Variants in OLAH observed in about 807,000 individuals in gnomAD.
OLAH encodes oleoyl-ACP hydrolase, also known as S-acyl fatty acid synthase thioesterase, medium chain.
OLAH carries 33 observed loss-of-function variants against 27.8 expected under a neutral mutation model. That is an observed-to-expected ratio of 1.19 (90% CI 0.90 to 1.59). The LOEUF is 1.59. Ranked by LOEUF, OLAH falls within the 40% of genes most tolerant of loss-of-function variation. The probability of loss-of-function intolerance (pLI) is 0.00; values close to 1 mark genes in which losing one functional copy is unlikely to be tolerated. For missense variants in OLAH, 359 were observed against 310.8 expected, an observed-to-expected ratio of 1.16 and a Z score of -1.17; for synonymous variants, 120 against 102.9, an observed-to-expected ratio of 1.17 and a Z score of -1.01.
chr10:15,049,541 A>T, intron 2 of OLAH, 94 bp from the exon 3 acceptor site: 1 of 857,542 alleles, frequency 1.2e-6, no homozygotes, highest in Non-Finnish European at 1.7e-6. Flanking sequence ...TGTTTCTTAT[A>T]ATTAATAAAG....
upstream of OLAH, among the ~76,000 whole-genome samples, chr10:15,040,716 T>C (rs1380810303): frequency 6.6e-6 from 1 of 152,180 alleles, no homozygotes; most frequent in Non-Finnish European, 1.5e-5. Context: ...GAATTCCTTG[T>C]TCATTCTTGC....
At chr10:15,036,907 C>T (rs540942449) in intron 1 of OLAH, among the ~76,000 whole-genome samples, 16 of 152,100 alleles carry the variant, frequency 1.1e-4, no homozygotes, top group Admixed American at 4.6e-4. Flanking sequence ...GGTGAAACCT[C>T]GTCTCTACTA....
At chr10:15,036,823 G>A (rs1843847239) in intron 1 of OLAH, among the ~76,000 whole-genome samples, 1 of 152,196 alleles carries the variant, frequency 6.6e-6, no homozygotes, top group East Asian at 1.9e-4. Context: ...GCTCACACCT[G>A]TAATCACAAT....
chr10:15,038,424 G>A (rs1041605499), intron 1 of OLAH, among the ~76,000 whole-genome samples: 8 of 152,134 alleles, frequency 5.3e-5, no homozygotes, highest in Admixed American at 2.0e-4. Context: ...TATCCCCACC[G>A]AAATTTCATC....
At chr10:15,052,461 C>CA (rs1454946757) in intron 3 of OLAH, among the ~76,000 whole-genome samples, 1 of 152,106 alleles carries the variant, frequency 6.6e-6, no homozygotes, top group Non-Finnish European at 1.5e-5. Context: ...TTTGTAGAGA[C>CA]AGAGTCTTGC....
At position 15,047,115 on chromosome 10, in the gene OLAH, A is replaced by C; in HGVS notation, c.-163-11A>C. The C allele has an allele frequency of 2.1e-6, 1 of 479,310 alleles. No homozygotes were observed. Among genetic ancestry groups the C allele is most frequent in the Non-Finnish European group, 3.6e-6 (1 of 274,504 alleles). 29.7% of individuals were successfully genotyped at this position (479,310 alleles called of 1,614,324 possible). On this transcript the variant is annotated splice_polypyrimidine_tract_variant and intron_variant, in intron 1 of 7. Transcript: ENST00000378228. ...CCTTCCTTTTCCTCTGACCTTCTTT[A>C]TTTTTAACAGGGATTGGAGAGGTCA...
intron 1 of OLAH, among the ~76,000 whole-genome samples, chr10:15,035,056 T>C (rs12571420): frequency 0.13 from 19,514 of 152,096 alleles, 1,371 homozygotes; most frequent in South Asian, 0.26. Flanking sequence ...CACCTCGGCC[T>C]CCCAAAGTGC....
intron 3 of OLAH, among the ~76,000 whole-genome samples, chr10:15,052,294 T>C (rs1443396601): frequency 6.6e-6 from 1 of 152,018 alleles, no homozygotes; most frequent in Non-Finnish European, 1.5e-5. Context: ...AAAAAATAAA[T>C]AAAAACAATG....
intron 6 of OLAH, among the ~76,000 whole-genome samples, chr10:15,067,818 C>G (rs1368476492): frequency 6.6e-6 from 1 of 152,158 alleles, no homozygotes; most frequent in Non-Finnish European, 1.5e-5. Flanking sequence ...CTTTCCCCAT[C>G]ACTACCACTA....
intron 3 of OLAH, among the ~76,000 whole-genome samples, chr10:15,060,389 T>TG: frequency 6.6e-6 from 1 of 152,166 alleles, no homozygotes; most frequent in East Asian, 1.9e-4. Context: ...AGGTTGGTCT[T>TG]GAACTCCTGA....
At chr10:15,056,980 TTAG>T in intron 3 of OLAH, 1 of 1,424,448 alleles carries the variant, frequency 7.0e-7, no homozygotes, top group Non-Finnish European at 9.3e-7. Flanking sequence ...CTAATTTTTT[TTAG>T]TAGGTTTTTT....
upstream of OLAH, among the ~76,000 whole-genome samples, chr10:15,039,632 C>G (rs57766340): frequency 0.043 from 6,472 of 152,202 alleles, 189 homozygotes; most frequent in African/African-American, 0.083. Flanking sequence ...TGAACTAGCA[C>G]CCTTTCTCCA....
intron 3 of OLAH, chr10:15,056,701 G>T: frequency 9.6e-7 from 1 of 1,045,860 alleles, no homozygotes; most frequent in Non-Finnish European, 1.2e-6. Flanking sequence ...CATGATCTTG[G>T]CTCATTGCAG....
chr10:15,064,591 T>C lies in OLAH; in HGVS notation c.402+89T>C. 3 of 719,176 alleles carry C rather than the reference T, an allele frequency of 4.2e-6. No homozygotes were observed. The South Asian group carries it at 6.0e-5, about 14-fold the overall frequency. The allele number at this position is 719,176 out of a possible 1,614,324, so 44.5% of individuals were successfully genotyped here. ...GCCATTATTTCTCTATCTGGTGAAT[T>C]CTGGTCCAGTATGATGATGATGGTG... On this transcript the variant is annotated intron_variant, in intron 5 of 7. Transcript: ENST00000378228.
At chr10:15,071,667 T>C (rs2131382958) in intron 6 of OLAH, 128 bp from the exon 7 acceptor site, 3 of 1,417,030 alleles carry the variant, frequency 2.1e-6, no homozygotes, top group Non-Finnish European at 1.9e-6. Flanking sequence ...GTGAAAAATG[T>C]TTTACACTGC....
intron 2 of OLAH, among the ~76,000 whole-genome samples, chr10:15,048,822 G>A (rs1270017383): frequency 6.6e-6 from 1 of 152,042 alleles, no homozygotes; most frequent in Non-Finnish European, 1.5e-5. Context: ...TTAGAGACAA[G>A]GGCTGGGTGT....
intron 1 of OLAH, among the ~76,000 whole-genome samples, chr10:15,032,766 C>T (rs2131320406): frequency 6.6e-6 from 1 of 152,316 alleles, no homozygotes; most frequent in Non-Finnish European, 1.5e-5. Context: ...GCAACAAAAT[C>T]AGAAAGTTCT....
At chr10:15,059,582 G>T (rs936793158) in intron 3 of OLAH, among the ~76,000 whole-genome samples, 1 of 152,052 alleles carries the variant, frequency 6.6e-6, no homozygotes, top group African/African-American at 2.4e-5. Flanking sequence ...AGGGTGGGCA[G>T]ATCACTTGAG....
At chr10:15,032,797 A>G (rs1226592247) in intron 1 of OLAH, among the ~76,000 whole-genome samples, 1 of 152,202 alleles carries the variant, frequency 6.6e-6, no homozygotes, top group African/African-American at 2.4e-5. Flanking sequence ...GAAGTGTGGT[A>G]ATGAAATCTG....
Sources: allele counts gnomAD v4.1 joint callset (sites outside exome capture counted in the v4.1 genomes callset), GRCh38; gene constraint gnomAD v4.1.1; transcripts MANE v1.5; gene names NCBI Gene and HGNC (gene_info 2026-07-23, HGNC 2026-07-21).